TMEM30A: variants seen among roughly 807,000 people sequenced by gnomAD.
TMEM30A encodes the protein cell division cycle 50 P4-ATPase accessory subunit A.
TMEM30A carries 24 observed loss-of-function variants against 38.2 expected under a neutral mutation model. The ratio of observed to expected loss-of-function variants is 0.63; its 90% CI spans 0.46 to 0.88. The LOEUF (loss-of-function observed/expected upper bound fraction) is 0.88. TMEM30A is among the 40% of genes least tolerant of loss of function. The pLI, the probability that TMEM30A is intolerant of heterozygous loss-of-function variation, is 0.00. For synonymous variants in TMEM30A, 145 were observed against 161.6 expected (o/e 0.90, Z 0.78); for missense variants, 370 against 458.6 (o/e 0.81, Z 1.77).
At chr6:75,262,597 G>A (rs571366742) in intron 3 of TMEM30A, among the ~76,000 whole-genome samples, 1 of 151,544 alleles carries the variant, frequency 6.6e-6, no homozygotes, top group African/African-American at 2.4e-5. Context: ...AGCCGAGATC[G>A]CACCACTGCA....
chr6:75,284,374 A>T (rs371089627), intron 1 of TMEM30A, 28 bp downstream of exon 1: 1 of 1,606,886 alleles, frequency 6.2e-7, no homozygotes, highest in African/African-American at 1.3e-5. Flanking sequence ...GAGCAACGCC[A>T]ACTCCCACCA....
chr6:75,271,038 G>C (rs193201935), intron 1 of TMEM30A, among the ~76,000 whole-genome samples: 1 of 152,190 alleles, frequency 6.6e-6, no homozygotes, highest in African/African-American at 2.4e-5. Context: ...CAAGTTTTAT[G>C]ATGTTGGAGA....
At chr6:75,257,893 T>C (rs907111614) in intron 6 of TMEM30A, among the ~76,000 whole-genome samples, 1 of 152,216 alleles carries the variant, frequency 6.6e-6, no homozygotes, top group Non-Finnish European at 1.5e-5. Flanking sequence ...TTGAGAGATC[T>C]CTTCACTCAC....
chr6:75,279,159 T>C (rs897117822), intron 1 of TMEM30A, among the ~76,000 whole-genome samples: 3 of 152,156 alleles, frequency 2.0e-5, no homozygotes, highest in African/African-American at 7.2e-5. Context: ...TGCCCAAACT[T>C]TCCCTATCTC....
chr6:75,265,602 A>C (rs757035925), intron 2 of TMEM30A, among the ~76,000 whole-genome samples: 4 of 152,242 alleles, frequency 2.6e-5, no homozygotes, highest in Non-Finnish European at 5.9e-5. Context: ...TTAAAAGAGA[A>C]TATTCAAGGA....
chr6:75,261,549 A>G (rs1029332896), intron 3 of TMEM30A, among the ~76,000 whole-genome samples: 1 of 152,206 alleles, frequency 6.6e-6, no homozygotes, highest in Admixed American at 6.5e-5. Context: ...CTTACTCCCT[A>G]CTGAGGATCT....
chr6:75,271,883 T>C (rs930340258), intron 1 of TMEM30A, among the ~76,000 whole-genome samples: 2 of 151,778 alleles, frequency 1.3e-5, no homozygotes, highest in East Asian at 1.9e-4. Flanking sequence ...CTAGATGGCA[T>C]AGAGGAATAA....
chr6:75,284,584 G>A lies in TMEM30A; in HGVS notation c.55C>T (p.Pro19Ser), dbSNP rs368590824. ...CTCCGAGTCTTCGCGGTGCCCCCCG[G>A]AGCACACGGGGGCCCACCGTCCACT... ...DEVDGGPPCA[P>S]GGTAKTRRPD... The change falls in exon 1 of 7, where the codon CCG (proline) becomes TCG (serine). Residue 19 changes from proline (P) to serine (S), a missense_variant. Coordinates refer to ENST00000230461, the MANE Select transcript of TMEM30A (RefSeq NM_018247.4). 28 of 1,613,696 alleles carry A rather than the reference G, an allele frequency of 1.7e-5. No homozygotes were observed. The highest frequency in any genetic ancestry group is 7.7e-5 in the South Asian group (7 of 91,050).
intron 1 of TMEM30A, among the ~76,000 whole-genome samples, chr6:75,274,441 C>T (rs1415280145): frequency 6.6e-6 from 1 of 152,222 alleles, no homozygotes; most frequent in East Asian, 1.9e-4. Flanking sequence ...AAAAGAATCA[C>T]TGTGGCACCA....
At chr6:75,272,159 C>T (rs1772184085) in intron 1 of TMEM30A, among the ~76,000 whole-genome samples, 1 of 152,198 alleles carries the variant, frequency 6.6e-6, no homozygotes, top group Non-Finnish European at 1.5e-5. Flanking sequence ...ATACTAAGTG[C>T]TGGGCATTGT....
chr6:75,262,244 G>A (rs577752673), intron 3 of TMEM30A, among the ~76,000 whole-genome samples: 255 of 152,280 alleles, frequency 1.7e-3, no homozygotes, highest in African/African-American at 5.9e-3. Flanking sequence ...CTACTTAGGA[G>A]GGTGAGGTGG....
chr6:75,266,669 T>G (rs763144345), intron 2 of TMEM30A, among the ~76,000 whole-genome samples: 11 of 152,224 alleles, frequency 7.2e-5, no homozygotes, highest in Non-Finnish European at 1.6e-4. Flanking sequence ...TCTATATCAC[T>G]ACTAGTCTCT....
At chr6:75,281,098 C>G (rs1772350575) in intron 1 of TMEM30A, among the ~76,000 whole-genome samples, 1 of 152,048 alleles carries the variant, frequency 6.6e-6, no homozygotes, top group Non-Finnish European at 1.5e-5. Context: ...TGAAAATGTA[C>G]CTTAAATGTT....
chr6:75,256,017 C>G lies in TMEM30A; in HGVS notation c.*85G>C. The G allele has an allele frequency of 1.1e-6, 1 of 944,578 alleles. No individual in the cohort carries two copies. Among genetic ancestry groups the G allele is most frequent in the Non-Finnish European group, 1.6e-6 (1 of 645,110 alleles). 58.5% of individuals were successfully genotyped at this position (944,578 alleles called of 1,614,324 possible). A position where few individuals can be genotyped will look rare whatever the true frequency, so the allele number is the denominator to read the frequency against. On this transcript the variant is annotated 3_prime_UTR_variant, in exon 7 of 7. Coordinates refer to ENST00000230461, the MANE Select transcript of TMEM30A (RefSeq NM_018247.4). ...TATGTGCCAACTTCAAAATGACATA[C>G]TAACCAGATATCAGCATTCGAAAGC... is the stretch of plus-strand genomic sequence containing the variant.
intron 1 of TMEM30A, among the ~76,000 whole-genome samples, chr6:75,276,251 C>T (rs550491879): frequency 2.0e-5 from 3 of 152,238 alleles, no homozygotes; most frequent in South Asian, 4.1e-4. Context: ...TTATAATAAA[C>T]GGGTAAACGT....
At chr6:75,261,824 G>A (rs896185810) in intron 3 of TMEM30A, among the ~76,000 whole-genome samples, 1 of 152,164 alleles carries the variant, frequency 6.6e-6, no homozygotes, top group Non-Finnish European at 1.5e-5. Flanking sequence ...ATAAGGCTAA[G>A]GAAGTCTGTG....
At chr6:75,270,664 C>T (rs1772150442) in intron 1 of TMEM30A, among the ~76,000 whole-genome samples, 3 of 152,306 alleles carry the variant, frequency 2.0e-5, no homozygotes, top group South Asian at 4.1e-4. Context: ...GGTTGTTTAA[C>T]CCAACCAATG....
chr6:75,272,944 G>A (rs1237702836), intron 1 of TMEM30A: 14 of 152,212 alleles, frequency 9.2e-5, no homozygotes. Flanking sequence ...CTCCCACATA[G>A]ACCAGTGAAT....
rs375847862 is a variant in TMEM30A at position 75,276,394 on chromosome 6, A to G, written c.237+8008T>C. ...TCGCAGCCTGGGACTTACAATTGGCATCTAAAGTGAGAGGCAGTCTTGTGG... is the reference window on the plus strand; with the variant it reads ...TCGCAGCCTGGGACTTACAATTGGCGTCTAAAGTGAGAGGCAGTCTTGTGG... On this transcript the variant is annotated intron_variant, in intron 1 of 6. Coordinates refer to ENST00000230461, the MANE Select transcript of TMEM30A (RefSeq NM_018247.4). Among the ~76,000 whole-genome samples, 24 of 152,232 alleles carry G rather than the reference A, an allele frequency of 1.6e-4. 1 individual carries two copies. Among genetic ancestry groups the G allele is most frequent in the Admixed American group, 1.2e-3 (18 of 15,282 alleles).
Sources: gnomAD v4.1 joint callset for allele counts (sites outside exome capture counted in the v4.1 genomes callset) on GRCh38, gnomAD v4.1.1 for gene constraint, MANE v1.5 for transcripts, NCBI Gene and HGNC (gene_info 2026-07-23, HGNC 2026-07-21) for gene names.